CNTNAP2: variants seen among roughly 807,000 people sequenced by gnomAD.
The protein encoded by CNTNAP2 is contactin associated protein 2.
CNTNAP2 carries 98 observed loss-of-function variants against 155.2 expected under a neutral mutation model. That is an observed-to-expected ratio of 0.63 (90% CI 0.54 to 0.75). The LOEUF is 0.75. Among genes scored for constraint, CNTNAP2 ranks in the 30% least tolerant of loss-of-function variants. CNTNAP2 has a pLI of 0.00. For missense variants in CNTNAP2, 1,727 were observed against 1,688.1 expected, an observed-to-expected ratio of 1.02 and a Z score of -0.40; for synonymous variants, 651 against 631.2, an observed-to-expected ratio of 1.03 and a Z score of -0.47.
chr7:146,354,804 C>T (rs995710520), intron 1 of CNTNAP2, among the ~76,000 whole-genome samples: 1 of 151,976 alleles, frequency 6.6e-6, no homozygotes, highest in Non-Finnish European at 1.5e-5. Context: ...TTTCTAATCA[C>T]GAAGGAGGAG....
intron 13 of CNTNAP2, among the ~76,000 whole-genome samples, chr7:147,750,314 C>T (rs559457860): frequency 2.6e-5 from 4 of 152,092 alleles, no homozygotes; most frequent in Non-Finnish European, 5.9e-5. Flanking sequence ...AAGAATATCC[C>T]ATTTACATAA....
intron 8 of CNTNAP2, among the ~76,000 whole-genome samples, chr7:147,296,966 G>T (rs889830007): frequency 6.6e-6 from 1 of 152,104 alleles, no homozygotes. Context: ...CAGCCAGAGT[G>T]GGATGAAGAG....
intron 9 of CNTNAP2, among the ~76,000 whole-genome samples, chr7:147,382,966 T>C (rs1039241268): frequency 9.9e-5 from 15 of 152,234 alleles, no homozygotes; most frequent in Admixed American, 7.8e-4. Context: ...AATCCTATTA[T>C]ATTACTCTTT....
intron 17 of CNTNAP2, 84 bp downstream of exon 17, chr7:148,147,793 A>T (rs971301314): frequency 8.0e-6 from 11 of 1,370,634 alleles, no homozygotes; most frequent in Non-Finnish European, 1.0e-5. Context: ...AAATCAGCCT[A>T]TGCAAGGTTT....
intron 1 of CNTNAP2, among the ~76,000 whole-genome samples, chr7:146,587,653 T>A (rs1156589318): frequency 6.6e-6 from 1 of 152,068 alleles, no homozygotes; most frequent in East Asian, 1.9e-4. Context: ...TTGATTAATA[T>A]ACATCTGGTG....
At chr7:147,488,558 A>ATG (rs1279429904) in intron 11 of CNTNAP2, among the ~76,000 whole-genome samples, 1 of 144,500 alleles carries the variant, frequency 6.9e-6, no homozygotes, top group Non-Finnish European at 1.5e-5. Context: ...TTTTTTTTAA[A>ATG]AAAAGCAGCT....
At chr7:147,118,566 G>A (rs1801036267) in intron 5 of CNTNAP2, among the ~76,000 whole-genome samples, 1 of 151,236 alleles carries the variant, frequency 6.6e-6, no homozygotes, top group East Asian at 1.9e-4. Flanking sequence ...GAAATTCTGT[G>A]TGAGTTTCAA....
intron 20 of CNTNAP2, among the ~76,000 whole-genome samples, chr7:148,239,578 T>G (rs1364998534): frequency 6.6e-6 from 1 of 152,164 alleles, no homozygotes; most frequent in Non-Finnish European, 1.5e-5. Context: ...TCGCCTCTGG[T>G]TTTGGGTTGA....
chr7:147,956,564 G>C (rs141467548), intron 14 of CNTNAP2, among the ~76,000 whole-genome samples: 1 of 152,254 alleles, frequency 6.6e-6, no homozygotes, highest in African/African-American at 2.4e-5. Flanking sequence ...GAAGACACAT[G>C]CCCATATCGA....
intron 3 of CNTNAP2, among the ~76,000 whole-genome samples, chr7:146,859,352 T>C (rs1795052371): frequency 6.6e-6 from 1 of 152,184 alleles, no homozygotes; most frequent in Admixed American, 6.5e-5. Context: ...AAATTCCAGC[T>C]ATTAAAGTCA....
intron 12 of CNTNAP2, among the ~76,000 whole-genome samples, chr7:147,603,678 A>AT (rs1161192226): frequency 1.3e-5 from 2 of 152,192 alleles, no homozygotes; most frequent in African/African-American, 2.4e-5. Context: ...TGCCATCCCC[A>AT]TCAAGCTACC....
At chr7:147,007,336 A>T (rs1376993232) in intron 3 of CNTNAP2, among the ~76,000 whole-genome samples, 4 of 152,140 alleles carry the variant, frequency 2.6e-5, no homozygotes, top group African/African-American at 9.6e-5. Flanking sequence ...TTCTTTTTGC[A>T]TTGATTCCAA....
chr7:146,887,468 T>C (rs537750429), intron 3 of CNTNAP2, among the ~76,000 whole-genome samples: 1 of 152,258 alleles, frequency 6.6e-6, no homozygotes, highest in African/African-American at 2.4e-5. Context: ...ACATGGTTTT[T>C]ATTTATCTCA....
intron 13 of CNTNAP2, among the ~76,000 whole-genome samples, chr7:147,783,908 TAGTTTGCAAGCCACCC>T (rs1039431189): frequency 1.3e-5 from 2 of 152,184 alleles, no homozygotes; most frequent in African/African-American, 4.8e-5. Flanking sequence ...TAAATTTCTA[TAGTTTGCAAGCCACCC>T]AGTTTATGGT....
chr7:147,090,054 C>A (rs185222858), intron 4 of CNTNAP2, among the ~76,000 whole-genome samples: 11 of 152,244 alleles, frequency 7.2e-5, no homozygotes, highest in Middle Eastern at 6.8e-3. Context: ...AACCAGCTAC[C>A]TCAGGGAAGT....
At chr7:146,963,236 C>A (rs185709001) in intron 3 of CNTNAP2, 4 of 152,160 alleles carry the variant, frequency 2.6e-5, no homozygotes, top group Non-Finnish European at 2.9e-5. Context: ...TAAAATATAT[C>A]TATTTCTAAT....
At chr7:146,677,293 T>A (rs932177531) in intron 1 of CNTNAP2, among the ~76,000 whole-genome samples, 1 of 152,180 alleles carries the variant, frequency 6.6e-6, no homozygotes, top group Non-Finnish European at 1.5e-5. Flanking sequence ...AGACCTGGAA[T>A]GCATAGAAAG....
rs565732339 is a variant in CNTNAP2, at chr7:148,278,811, G to A, written c.3475+11685G>A. On this transcript the variant is annotated intron_variant, in intron 21 of 23. Transcript: ENST00000361727. ...AAAGTAAAAGAGGCTTAGCAGGAAA[G>A]CATGTTACAATGGCCAGGAAAGTCG... is the stretch of plus-strand genomic sequence containing the variant. Among the ~76,000 whole-genome samples the A allele has an allele frequency of 9.8e-5, 15 of 152,310 alleles. No individual in the cohort carries two copies. In the South Asian group the frequency reaches 3.1e-3, roughly 32 times the overall value.
At chr7:147,813,119 TG>T (rs1335700841) in intron 13 of CNTNAP2, among the ~76,000 whole-genome samples, 12 of 144,994 alleles carry the variant, frequency 8.3e-5, no homozygotes, top group African/African-American at 2.8e-4. Context: ...TTTCACTATT[TG>T]AAAAAAAAAA....
Sources: allele counts gnomAD v4.1 joint callset (sites outside exome capture counted in the v4.1 genomes callset), GRCh38; gene constraint gnomAD v4.1.1; transcripts MANE v1.5; gene names NCBI Gene and HGNC (gene_info 2026-07-23, HGNC 2026-07-21).